Variants in HECW2 observed in about 807,000 individuals in gnomAD.
HECW2 encodes the protein HECT, C2 and WW domain containing E3 ubiquitin protein ligase 2.
A neutral mutation model predicts 175.2 loss-of-function variants in HECW2; 61 were observed. The observed-to-expected ratio is 0.35, with a 90% CI of 0.28 to 0.43. The LOEUF is 0.43. Ranked by LOEUF, HECW2 falls within the 20% of genes least tolerant of loss-of-function variation. The pLI, the probability that HECW2 is intolerant of heterozygous loss-of-function variation, is 1.00. For missense variants in HECW2, 1,524 were observed against 2,000.5 expected (o/e 0.76, Z 4.54); for synonymous variants, 671 against 731.0 (o/e 0.92, Z 1.32).
intron 14 of HECW2, among the ~76,000 whole-genome samples, chr2:196,287,297 C>G (rs908612734): frequency 4.6e-5 from 7 of 152,168 alleles, no homozygotes; most frequent in Admixed American, 3.9e-4. Flanking sequence ...TAAGGAAAAA[C>G]ACAACAAACT....
intron 1 of HECW2, among the ~76,000 whole-genome samples, chr2:196,525,240 T>G (rs1237007630): frequency 1.8e-4 from 25 of 140,760 alleles, no homozygotes; most frequent in African/African-American, 7.0e-4. Context: ...AATGGCCTTC[T>G]TTGTCTCTTT....
intron 2 of HECW2, among the ~76,000 whole-genome samples, chr2:196,355,488 G>C (rs1693332081): frequency 6.6e-6 from 1 of 152,184 alleles, no homozygotes; most frequent in African/African-American, 2.4e-5. Flanking sequence ...CAAAGTAGTA[G>C]AACAAGACTT....
intron 1 of HECW2, among the ~76,000 whole-genome samples, chr2:196,545,343 TGGAACACACTGA>T (rs1689374253): frequency 6.6e-6 from 1 of 152,036 alleles, no homozygotes; most frequent in Non-Finnish European, 1.5e-5. Context: ...GGATATGAGC[TGGAACACACTGA>T]GGGCCATATC....
At chr2:196,234,388 A>G (rs1688164808) in intron 21 of HECW2, among the ~76,000 whole-genome samples, 1 of 152,046 alleles carries the variant, frequency 6.6e-6, no homozygotes, top group Non-Finnish European at 1.5e-5. Context: ...CCTGGACTCA[A>G]GCGATCCTCC....
At chr2:196,545,879 A>C (rs6735010) in intron 1 of HECW2, among the ~76,000 whole-genome samples, 5,412 of 152,298 alleles carry the variant, frequency 0.036, 319 homozygotes, top group African/African-American at 0.12. Flanking sequence ...AATTCCTCCA[A>C]ATTAAATGCA....
chr2:196,577,826 A>G (rs1410602586), intron 1 of HECW2, among the ~76,000 whole-genome samples: 1 of 152,204 alleles, frequency 6.6e-6, no homozygotes, highest in African/African-American at 2.4e-5. Context: ...GCTACATATG[A>G]CAAAGAATAC....
At chr2:196,414,781 A>C (rs558690669) in intron 2 of HECW2, among the ~76,000 whole-genome samples, 6 of 152,006 alleles carry the variant, frequency 3.9e-5, no homozygotes, top group Non-Finnish European at 5.9e-5. Flanking sequence ...GGTCCACAAG[A>C]ATCATGTGTT....
intron 1 of HECW2, among the ~76,000 whole-genome samples, chr2:196,544,285 A>G (rs1689328661): frequency 2.0e-5 from 3 of 152,168 alleles, no homozygotes; most frequent in Non-Finnish European, 4.4e-5. Context: ...GCCCAACTCA[A>G]GCTGGCTTCC....
At chr2:196,487,855 CT>C (rs1217501846) in intron 1 of HECW2, among the ~76,000 whole-genome samples, 1 of 152,222 alleles carries the variant, frequency 6.6e-6, no homozygotes, top group Non-Finnish European at 1.5e-5. Flanking sequence ...TCAATGACAT[CT>C]GTCCAGAATG....
chr2:196,477,914 T>C (rs1686706077), intron 1 of HECW2, among the ~76,000 whole-genome samples: 1 of 151,916 alleles, frequency 6.6e-6, no homozygotes, highest in Admixed American at 6.6e-5. Context: ...TAGCCGAACA[T>C]GGTGGCACGT....
At chr2:196,347,543 AG>A (rs1394776873) in intron 2 of HECW2, among the ~76,000 whole-genome samples, 1 of 152,202 alleles carries the variant, frequency 6.6e-6, no homozygotes, top group Admixed American at 6.5e-5. Flanking sequence ...AAGAAATAAA[AG>A]TTAGCCCTTT....
At position 196,354,359 on chromosome 2, in the gene HECW2, G is replaced by A. The variant is rs559705270; in HGVS notation, c.293-10595C>T. Reference sequence around the variant, plus strand: ...GCATGGAGCCTGCTGCTGTACCAGTGGTTGGAATGGCCGGCCAGACCCCAC... The same window carrying A: ...GCATGGAGCCTGCTGCTGTACCAGTAGTTGGAATGGCCGGCCAGACCCCAC... On this transcript the variant is annotated intron_variant, in intron 2 of 28. Transcript: ENST00000644978. Among the ~76,000 whole-genome samples, 55 of 152,316 alleles carry A rather than the reference G, an allele frequency of 3.6e-4. 1 individual carries two copies. The highest frequency in any genetic ancestry group is 1.2e-3 in the African/African-American group (49 of 41,584).
At chr2:196,270,762 G>A (rs1010292319) in intron 17 of HECW2, among the ~76,000 whole-genome samples, 3 of 151,612 alleles carry the variant, frequency 2.0e-5, no homozygotes, top group African/African-American at 7.3e-5. Context: ...GTGCAGTGGT[G>A]CAAATCTCAG....
intron 1 of HECW2, among the ~76,000 whole-genome samples, chr2:196,474,931 A>G (rs1318909203): frequency 6.6e-6 from 1 of 152,192 alleles, no homozygotes; most frequent in Non-Finnish European, 1.5e-5. Context: ...CATGCTATGT[A>G]TCATCACACG....
intron 2 of HECW2, among the ~76,000 whole-genome samples, chr2:196,345,104 T>C (rs527708507): frequency 1.3e-5 from 2 of 152,202 alleles, no homozygotes; most frequent in Non-Finnish European, 2.9e-5. Context: ...CACTGTTCTT[T>C]ATAAGAATGG....
Position 196,358,585 on chromosome 2 carries a change from C to CAAAAAAAAAAAAAAAAAAAAAAAAAAAAA in HECW2, c.293-14850_293-14822dup. Among the ~76,000 whole-genome samples, 2 of 67,330 alleles carry CAAAAAAAAAAAAAAAAAAAAAAAAAAAAA rather than the reference C, an allele frequency of 3.0e-5. 1 individual carries two copies. The highest frequency in any genetic ancestry group is 5.0e-5 in the Non-Finnish European group (2 of 40,238). 44.2% of individuals were successfully genotyped at this position (67,330 alleles called of 152,430 possible). The stretch of plus-strand genomic sequence containing the variant: ...TGGGAGACAGAGCAAGACTCTGTCT[C>CAAAAAAAAAAAAAAAAAAAAAAAAAAAAA]AAAAAAAAAAAAAAAAAAAAAAAAA... On this transcript the variant is annotated intron_variant, in intron 2 of 28. Transcript: ENST00000644978.
rs1445839725 is a variant in HECW2 at position 196,195,191 on chromosome 2, C to G, written c.*6086G>C. The G allele has an allele frequency of 6.6e-6, 1 of 152,178 alleles. No individual in the cohort carries two copies. The highest frequency in any genetic ancestry group is 2.1e-4 in the South Asian group (1 of 4,830). 9.4% of individuals were successfully genotyped at this position (152,178 alleles called of 1,614,324 possible). A position where few individuals can be genotyped will look rare whatever the true frequency, so the allele number is the denominator to read the frequency against. On this transcript the variant is annotated 3_prime_UTR_variant, in exon 29 of 29. Transcript: ENST00000644978. Reference sequence around the variant, plus strand: ...CATTCTGTGTTAATTCCTGGTTAATCCTTCCAAGGTAATTCCTGAACATCA... The same window carrying G: ...CATTCTGTGTTAATTCCTGGTTAATGCTTCCAAGGTAATTCCTGAACATCA...
chr2:196,317,009 C>T (rs1284168993), intron 10 of HECW2: 2 of 398,418 alleles, frequency 5.0e-6, no homozygotes, highest in Non-Finnish European at 9.2e-6. Flanking sequence ...ACCCAATTTC[C>T]CAAAATATCT....
chr2:196,240,777 T>C (rs1471954603), intron 20 of HECW2, among the ~76,000 whole-genome samples: 2 of 149,428 alleles, frequency 1.3e-5, no homozygotes, highest in Non-Finnish European at 3.0e-5. Context: ...TAGAGTACCC[T>C]ACCTATGACC....
Sources: gnomAD v4.1 joint callset for allele counts (sites outside exome capture counted in the v4.1 genomes callset) on GRCh38, gnomAD v4.1.1 for gene constraint, MANE v1.5 for transcripts, NCBI Gene and HGNC (gene_info 2026-07-23, HGNC 2026-07-21) for gene names.